DGKQ: variants seen among roughly 807,000 people sequenced by gnomAD.
The protein encoded by DGKQ is DAG kinase theta.
A neutral mutation model predicts 104.2 loss-of-function variants in DGKQ; 97 were observed. The observed-to-expected ratio is 0.93, with a 90% CI of 0.79 to 1.10. The LOEUF (loss-of-function observed/expected upper bound fraction) is 1.10, where lower values mean the gene tolerates loss of function less well. Among genes scored for constraint, DGKQ ranks in the 50% least tolerant of loss-of-function variants. The pLI, the probability that DGKQ is intolerant of heterozygous loss-of-function variation, is 0.00. For synonymous variants in DGKQ, 736 were observed against 595.2 expected, an observed-to-expected ratio of 1.24 and a Z score of -3.44; for missense variants, 1,465 against 1,352.1, an observed-to-expected ratio of 1.08 and a Z score of -1.31.
chr4:967,420 G>C, intron 8 of DGKQ, 59 bp from the exon 9 acceptor site: 2 of 1,308,802 alleles, frequency 1.5e-6, no homozygotes, highest in East Asian at 2.5e-5. Context: ...GTTCAGTGGG[G>C]GGCAGGTCAT....
chr4:962,015 G>A lies in DGKQ; in HGVS notation c.2282C>T (p.Ala761Val). Residue 761 changes from alanine (A) to valine (V), a missense_variant, in exon 19 of 23, where the codon GCA becomes GTA. Coordinates refer to ENST00000273814, the MANE Select transcript of DGKQ (RefSeq NM_001347.4). ...GAACTTGCCAGGCTCCTCTTCCCGT[G>A]CCTGGTGGAAGTCCAGGCTCAGCTC... ...DAELSLDFHQ[A>V]REEEPGKFTS... 1 of 1,613,146 alleles carries A rather than the reference G, an allele frequency of 6.2e-7. No individual in the cohort carries two copies. Among genetic ancestry groups the A allele is most frequent in the African/African-American group, 1.3e-5 (1 of 75,020 alleles).
In DGKQ at chr4:962,969, C is replaced by T. The variant is rs1308215343; in HGVS notation, c.1887-49G>A. ...TCTACCAGCTGCGGGCGCAGCCCAT[C>T]CCCCACCCAGGCTGCCTCTTCCAAG... On this transcript the variant is annotated intron_variant, in intron 16 of 22. Coordinates refer to ENST00000273814, the MANE Select transcript of DGKQ (RefSeq NM_001347.4). The T allele has an allele frequency of 1.5e-5, 23 of 1,565,508 alleles. No individual in the cohort carries two copies. The East Asian group carries it at 1.9e-4, about 13-fold the overall frequency.
chr4:963,218 G>A lies in DGKQ; in HGVS notation c.1807C>T (p.Arg603Ter), dbSNP rs1301063490. 1.2e-6 allele frequency: 2 copies of A among 1,611,590 alleles called. No homozygotes were observed. Among genetic ancestry groups the A allele is most frequent in the South Asian group, 1.1e-5 (1 of 91,066 alleles). ...VNPKSGGLKG[R>*]DLLCSFRKLL... ...TTCCGGAAGCTGCAGAGCAGGTCTC[G>A]GCCCTTGAGGCCTCCACTCTTGGGG... Residue 603 changes from arginine to a stop codon, truncating the protein, a stop_gained, in exon 16 of 23, where the codon CGA becomes TGA. Coordinates refer to ENST00000273814, the MANE Select transcript of DGKQ (RefSeq NM_001347.4). LOFTEE classifies it high-confidence loss of function.
At position 973,208 on chromosome 4, in the gene DGKQ, T is replaced by C. The variant is rs950221070; in HGVS notation, c.271+4A>G. The C allele has an allele frequency of 1.3e-6, 2 of 1,547,088 alleles. No homozygotes were observed. The highest frequency in any genetic ancestry group is 1.4e-5 in the African/African-American group (1 of 69,410). ...CCGGGTAGGCATCGGGCCCGGGCGCTCACCGTCGCACAGGAAGCCGGCCAG... is the reference window on the plus strand; with the variant it reads ...CCGGGTAGGCATCGGGCCCGGGCGCCCACCGTCGCACAGGAAGCCGGCCAG... On this transcript the variant is annotated splice_donor_region_variant and intron_variant, in intron 1 of 22. Transcript: ENST00000273814.
At chr4:962,178 G>A in intron 18 of DGKQ, 96 bp from the exon 19 acceptor site, 1 of 1,154,888 alleles carries the variant, frequency 8.7e-7, no homozygotes, top group Non-Finnish European at 1.3e-6. Flanking sequence ...ACAAGAGCAA[G>A]GACCACCCTG....
chr4:963,889 A>G (rs1241621562), intron 15 of DGKQ, among the ~76,000 whole-genome samples: 1 of 152,128 alleles, frequency 6.6e-6, no homozygotes, highest in Admixed American at 6.5e-5. Context: ...ACAGGAGGCT[A>G]GGGACCCTAC....
chr4:961,653 G>A (rs774157957), intron 20 of DGKQ, 35 bp downstream of exon 20: 16 of 1,611,360 alleles, frequency 9.9e-6, no homozygotes, highest in Admixed American at 3.3e-5. Flanking sequence ...TGGCCCCGCC[G>A]GGCAGAGCCT....
At chr4:961,231 CG>C (rs778717260) in intron 21 of DGKQ, 30 bp from the exon 22 acceptor site, 1 of 1,504,884 alleles carries the variant, frequency 6.6e-7, no homozygotes, top group Admixed American at 2.1e-5. Context: ...CCGGGCTCAG[CG>C]GGGATCAGGG....
chr4:969,672 T>C (rs1012667426), intron 2 of DGKQ, among the ~76,000 whole-genome samples: 11 of 150,858 alleles, frequency 7.3e-5, no homozygotes, highest in East Asian at 5.9e-4. Context: ...TGCAGTGGCG[T>C]GATCTCGGCT....
In DGKQ at chr4:971,743, G is replaced by A. The variant is rs543163907; in HGVS notation, c.272-671C>T. Among the ~76,000 whole-genome samples, 8 of 152,264 alleles carry A rather than the reference G, an allele frequency of 5.3e-5. No individual in the cohort carries two copies. The South Asian group carries it at 1.2e-3, about 24-fold the overall frequency. On this transcript the variant is annotated intron_variant, in intron 1 of 22. Coordinates refer to ENST00000273814, the MANE Select transcript of DGKQ (RefSeq NM_001347.4). This position sits in a 1 kb window ranked among gnomAD's most constrained non-coding sequence, Gnocchi z 4.0. ...GGGTGGGGCCGGGGCAGAAGGGAGGGCAGGAACCCTGGGCTGGGGCAAAGG... is the reference window on the plus strand; with the variant it reads ...GGGTGGGGCCGGGGCAGAAGGGAGGACAGGAACCCTGGGCTGGGGCAAAGG...
At chr4:961,011 G>A in intron 22 of DGKQ, 38 bp downstream of exon 22, 2 of 1,606,722 alleles carry the variant, frequency 1.2e-6, no homozygotes, top group African/African-American at 2.7e-5. Flanking sequence ...GCCCAGCCCG[G>A]CCCACCTCCC....
chr4:965,113 A>T, intron 15 of DGKQ, 63 bp downstream of exon 15: 1 of 1,367,398 alleles, frequency 7.3e-7, no homozygotes, highest in Non-Finnish European at 1.0e-6. Context: ...GCACCTGCAG[A>T]CCCCGACCTC....
intron 18 of DGKQ, 99 bp downstream of exon 18, chr4:962,336 A>C: frequency 1.6e-6 from 2 of 1,237,684 alleles, no homozygotes; most frequent in Non-Finnish European, 2.2e-6. Context: ...GCGGGCGCGT[A>C]CACCCGAGTG....
chr4:962,345 T>C (rs994622871), intron 18 of DGKQ, 90 bp downstream of exon 18: 3 of 1,319,894 alleles, frequency 2.3e-6, no homozygotes, highest in Non-Finnish European at 3.1e-6. Context: ...TACACCCGAG[T>C]GTGGCTGGGA....
At position 965,287 on chromosome 4, in the gene DGKQ, C is replaced by T. The variant is rs762082279; in HGVS notation, c.1623G>A (p.Ala541=). ...SVSHIYSSQG[A]VVLDVACFAE... ...CAAAGCAGGCAACGTCCAACACTAC[C>T]GCGCCTGCGGCAGGAGCCCAGGACT... Residue 541 remains alanine, a synonymous_variant, in exon 15 of 23, where the codon GCG becomes GCA. Transcript: ENST00000273814. 12 of 1,612,320 alleles carry T rather than the reference C, an allele frequency of 7.4e-6. No homozygotes were observed. Among genetic ancestry groups the T allele is most frequent in the Admixed American group, 3.3e-5 (2 of 59,986 alleles).
In DGKQ at chr4:973,204, G is replaced by A. The variant is rs1404435040; in HGVS notation, c.271+8C>T. On this transcript the variant is annotated splice_region_variant and intron_variant, in intron 1 of 22. Transcript: ENST00000273814. ...GCAGCCGGGTAGGCATCGGGCCCGG[G>A]CGCTCACCGTCGCACAGGAAGCCGG... 5 of 1,545,448 alleles carry A rather than the reference G, an allele frequency of 3.2e-6. No homozygotes were observed. Among genetic ancestry groups the A allele is most frequent in the Admixed American group, 1.9e-5 (1 of 52,962 alleles).
chr4:960,771 A>T, intron 22 of DGKQ, 50 bp from the exon 23 acceptor site: 1 of 1,598,960 alleles, frequency 6.3e-7, no homozygotes, highest in Non-Finnish European at 8.5e-7. Flanking sequence ...CCGATGAAAG[A>T]ACGGTACACG....
intron 10 of DGKQ, 32 bp downstream of exon 10, chr4:966,932 G>C (rs1712405996): frequency 1.3e-6 from 2 of 1,550,614 alleles, no homozygotes; most frequent in Non-Finnish European, 8.7e-7. Flanking sequence ...ACCGAGTCTG[G>C]CCGGCATGGG....
chr4:973,030 G>C (rs957858008), intron 1 of DGKQ, among the ~76,000 whole-genome samples, 182 bp downstream of exon 1: 1 of 152,170 alleles, frequency 6.6e-6, no homozygotes, highest in Admixed American at 6.5e-5. Flanking sequence ...GAGGAAGCCC[G>C]CAGCCTGGAG....
Sources: gnomAD v4.1 joint callset for allele counts (sites outside exome capture counted in the v4.1 genomes callset) on GRCh38, gnomAD v4.1.1 for gene constraint, Gnocchi (gnomAD v3.1) non-coding constraint, MANE v1.5 for transcripts, NCBI Gene and HGNC (gene_info 2026-07-23, HGNC 2026-07-21) for gene names.